The following SCAI variants were observed in gnomAD, a reference collection of about 807,000 sequenced individuals.
SCAI encodes the protein suppressor of cancer cell invasion, also known as protein SCAI.
In SCAI, 24 loss-of-function variants were observed where a neutral mutation model predicts 92.2. The ratio of observed to expected loss-of-function variants is 0.26; its 90% CI spans 0.19 to 0.37. The LOEUF (loss-of-function observed/expected upper bound fraction) is 0.37, where lower values mean the gene tolerates loss of function less well. Ranked by LOEUF, SCAI falls within the 10% of genes least tolerant of loss-of-function variation. The pLI is 1.00. For synonymous variants in SCAI, 261 were observed against 258.6 expected, an observed-to-expected ratio of 1.01 and a Z score of -0.09; for missense variants, 450 against 736.2, an observed-to-expected ratio of 0.61 and a Z score of 4.50.
At chr9:125,027,789 C>T (rs1407632126) in intron 5 of SCAI, among the ~76,000 whole-genome samples, 1 of 152,174 alleles carries the variant, frequency 6.6e-6, no homozygotes, top group Non-Finnish European at 1.5e-5. Flanking sequence ...CCTAGGATTA[C>T]AGGCGTGAGC....
chr9:125,058,654 G>C (rs147801572), intron 2 of SCAI, among the ~76,000 whole-genome samples: 139 of 152,238 alleles, frequency 9.1e-4, no homozygotes, highest in African/African-American at 3.1e-3. Context: ...GAGCGCCTTG[G>C]AGCAGTGATC....
At chr9:125,069,718 G>A (rs753478046) in intron 2 of SCAI, among the ~76,000 whole-genome samples, 42 of 149,664 alleles carry the variant, frequency 2.8e-4, no homozygotes, top group Non-Finnish European at 2.1e-4. Flanking sequence ...CCACCTCCCG[G>A]GTTCAAGCAA....
At chr9:125,019,084 G>T (rs187881549) in intron 8 of SCAI, 23 bp downstream of exon 8, 12 of 1,557,474 alleles carry the variant, frequency 7.7e-6, no homozygotes, top group African/African-American at 5.5e-5. Context: ...CAATAATTAT[G>T]ATTTTTCTTA....
At chr9:125,052,578 G>T (rs537543904) in intron 3 of SCAI, among the ~76,000 whole-genome samples, 5 of 151,192 alleles carry the variant, frequency 3.3e-5, no homozygotes, top group Non-Finnish European at 5.9e-5. Context: ...GAGCAAGATC[G>T]CACCATCACA....
chr9:125,014,562 C>T (rs556617490), intron 9 of SCAI, among the ~76,000 whole-genome samples: 7 of 152,314 alleles, frequency 4.6e-5, no homozygotes, highest in African/African-American at 7.2e-5. Flanking sequence ...ACATTCCATG[C>T]TCATGGGTAG....
intron 2 of SCAI, among the ~76,000 whole-genome samples, chr9:125,059,547 C>T (rs548729275): frequency 1.3e-5 from 2 of 152,270 alleles, no homozygotes; most frequent in Admixed American, 1.3e-4. Context: ...AAAATGAGCA[C>T]ATTAAAACTA....
intron 2 of SCAI, among the ~76,000 whole-genome samples, chr9:125,076,211 C>T (rs537983521): frequency 6.6e-6 from 1 of 152,172 alleles, no homozygotes; most frequent in East Asian, 1.9e-4. Context: ...TTGAAAGATA[C>T]TTATGGGCCA....
rs140706568 is a variant in SCAI, at chr9:125,091,663, C to T, written c.99-35656G>A. ...GACTGATCTCACTTTCAAAGCATGA[C>T]CACAGAATGGGCATTTCCACTACAT... On this transcript the variant is annotated intron_variant, in intron 2 of 17. Transcript: ENST00000336505. This position sits in a 1 kb window ranked among gnomAD's most constrained non-coding sequence, Gnocchi z 4.3. Among the ~76,000 whole-genome samples, 6 of 152,332 alleles carry T rather than the reference C, an allele frequency of 3.9e-5. No homozygotes were observed. The East Asian group carries it at 1.2e-3, about 29-fold the overall frequency.
chr9:125,028,422 G>C lies in SCAI; in HGVS notation c.383C>G (p.Ser128Cys). The C allele has an allele frequency of 6.3e-7, 1 of 1,599,158 alleles. No homozygotes were observed. Among genetic ancestry groups the C allele is most frequent in the South Asian group, 1.1e-5 (1 of 88,616 alleles). Reference sequence around the variant, plus strand: ...ATGATAGTATAGCTGCCCAATCTTGGAAGCAATTTCTCCTATTTGCCAGCG... The same window carrying C: ...ATGATAGTATAGCTGCCCAATCTTGCAAGCAATTTCTCCTATTTGCCAGCG... ...LKRWQIGEIA[S>C]KIGQLYYHYY... is the part of the protein sequence containing the mutation. The change falls in exon 5 of 18, where the codon TCC becomes TGC. Residue 128 changes from serine (S) to cysteine (C), a missense_variant. By Grantham distance (112) the Ser-to-Cys change is moderately radical. Coordinates refer to ENST00000336505, the MANE Select transcript of SCAI (RefSeq NM_001144877.3).
chr9:125,054,708 C>T (rs1231992153), intron 3 of SCAI, among the ~76,000 whole-genome samples: 2 of 152,066 alleles, frequency 1.3e-5, no homozygotes, highest in Non-Finnish European at 2.9e-5. Flanking sequence ...CAAAGAAAAA[C>T]ATGATCTCAA....
intron 13 of SCAI, among the ~76,000 whole-genome samples, chr9:124,998,706 C>T (rs1020478578): frequency 6.6e-6 from 1 of 152,156 alleles, no homozygotes; most frequent in Non-Finnish European, 1.5e-5. Flanking sequence ...ACTGCAACCT[C>T]GACCTAATGG....
chr9:125,000,599 C>T (rs1832337300), intron 12 of SCAI, among the ~76,000 whole-genome samples: 1 of 85,672 alleles, frequency 1.2e-5, no homozygotes, highest in African/African-American at 5.6e-5. Context: ...GAGACCCTGT[C>T]TCAGAAAAAA....
At chr9:125,093,248 C>CTAGTA (rs1324648205) in intron 2 of SCAI, among the ~76,000 whole-genome samples, 1 of 152,070 alleles carries the variant, frequency 6.6e-6, no homozygotes, top group Non-Finnish European at 1.5e-5. Context: ...GTAATCCCAG[C>CTAGTA]TACTCGGGAG....
At chr9:125,081,238 A>G (rs1371988002) in intron 2 of SCAI, among the ~76,000 whole-genome samples, 1 of 152,222 alleles carries the variant, frequency 6.6e-6, no homozygotes, top group Non-Finnish European at 1.5e-5. Flanking sequence ...CAGAGGTTGG[A>G]ACAGTTTGGA....
At chr9:125,001,862 G>T in intron 12 of SCAI, 103 bp downstream of exon 12, 1 of 749,544 alleles carries the variant, frequency 1.3e-6, no homozygotes. Context: ...TTGGAAGTCT[G>T]TCTAGAAAGG....
At chr9:125,012,241 T>G (rs1457847367) in intron 9 of SCAI, among the ~76,000 whole-genome samples, 1 of 152,154 alleles carries the variant, frequency 6.6e-6, no homozygotes, top group African/African-American at 2.4e-5. Context: ...ACTGGCAAAC[T>G]GGATAAAGAG....
At chr9:124,955,155 G>A (rs557791157) in intron 17 of SCAI, among the ~76,000 whole-genome samples, 1,575 of 146,318 alleles carry the variant, frequency 0.011, 16 homozygotes, top group South Asian at 0.036. Context: ...GCGACAGAGC[G>A]AGACTCCGTC....
intron 3 of SCAI, among the ~76,000 whole-genome samples, chr9:125,037,643 A>G (rs931039243): frequency 1.3e-5 from 2 of 152,174 alleles, no homozygotes; most frequent in Admixed American, 1.3e-4. Context: ...GGCCGGGTAC[A>G]GTGGCTCAAG....
intron 17 of SCAI, chr9:124,968,780 G>T: frequency 1.1e-6 from 1 of 880,500 alleles, no homozygotes; most frequent in Non-Finnish European, 1.9e-6. Context: ...GGGGTGCGCA[G>T]GCCACGGCGA....
Sources: gnomAD v4.1 joint callset for allele counts (sites outside exome capture counted in the v4.1 genomes callset) on GRCh38, gnomAD v4.1.1 for gene constraint, Gnocchi (gnomAD v3.1) non-coding constraint, MANE v1.5 for transcripts, NCBI Gene and HGNC (gene_info 2026-07-23, HGNC 2026-07-21) for gene names.